ST7: variants seen among roughly 807,000 people sequenced by gnomAD.
ST7 encodes the protein suppressor of tumorigenicity 7 protein.
Under a neutral mutation model 78.7 loss-of-function variants are expected in ST7, and 28 were observed. That is an observed-to-expected ratio of 0.36 (90% CI 0.26 to 0.49). The LOEUF is 0.49. ST7 is among the 20% of genes least tolerant of loss of function. ST7 has a pLI of 0.99. For synonymous variants in ST7, 247 were observed against 249.6 expected, an observed-to-expected ratio of 0.99 and a Z score of 0.10; for missense variants, 418 against 696.0, an observed-to-expected ratio of 0.60 and a Z score of 4.49.
At chr7:117,048,198 CA>C (rs965419742) in intron 1 of ST7, among the ~76,000 whole-genome samples, 5 of 151,880 alleles carry the variant, frequency 3.3e-5, no homozygotes, top group Admixed American at 3.3e-4. Flanking sequence ...CTTGCTGTCT[CA>C]GGGGTGGCAG....
chr7:117,122,554 C>T (rs1238516824), intron 3 of ST7, among the ~76,000 whole-genome samples: 1 of 152,174 alleles, frequency 6.6e-6, no homozygotes, highest in East Asian at 1.9e-4. Flanking sequence ...CTAGTATTTA[C>T]TGAGTGCCTA....
intron 1 of ST7, among the ~76,000 whole-genome samples, chr7:116,968,903 A>G (rs1209177809): frequency 6.6e-6 from 1 of 152,190 alleles, no homozygotes; most frequent in Non-Finnish European, 1.5e-5. Flanking sequence ...GGGAAAAGCT[A>G]GAATCTGTTG....
chr7:117,000,884 A>T (rs1429251438), intron 1 of ST7, among the ~76,000 whole-genome samples: 1 of 152,220 alleles, frequency 6.6e-6, no homozygotes, highest in African/African-American at 2.4e-5. Context: ...AGTTATTAAA[A>T]TTTAGAAATT....
chr7:117,001,896 C>T (rs1321484740), intron 1 of ST7, among the ~76,000 whole-genome samples: 1 of 152,110 alleles, frequency 6.6e-6, no homozygotes, highest in Non-Finnish European at 1.5e-5. Flanking sequence ...AGTACATGGA[C>T]AAGACATTAT....
intron 14 of ST7, 113 bp from the exon 15 acceptor site, chr7:117,221,810 C>T (rs1793113862): frequency 1.6e-6 from 2 of 1,240,958 alleles, no homozygotes; most frequent in Admixed American, 2.8e-5. Flanking sequence ...TTTTTCATTT[C>T]CCATAGGCTT....
At chr7:117,126,555 A>G (rs1803865831) in intron 3 of ST7, among the ~76,000 whole-genome samples, 1 of 151,718 alleles carries the variant, frequency 6.6e-6, no homozygotes, top group African/African-American at 2.4e-5. Context: ...TTTTTTTGTA[A>G]CCCATGGCCT....
At chr7:116,955,611 A>G (rs1195760856) in intron 1 of ST7, among the ~76,000 whole-genome samples, 1 of 152,150 alleles carries the variant, frequency 6.6e-6, no homozygotes, top group South Asian at 2.1e-4. Flanking sequence ...GTTTCTCCTT[A>G]TTACACACTT....
intron 1 of ST7, among the ~76,000 whole-genome samples, chr7:117,050,389 C>T (rs1042980507): frequency 6.6e-6 from 1 of 152,088 alleles, no homozygotes; most frequent in Non-Finnish European, 1.5e-5. Context: ...GAAGTGGCTA[C>T]GAAATTATTA....
intron 1 of ST7, chr7:117,020,617 A>G (rs1487578462): frequency 2.6e-6 from 4 of 1,550,510 alleles, no homozygotes; most frequent in South Asian, 1.2e-5. Context: ...CATGTTTGGC[A>G]CTGAATCTTC....
chr7:117,013,493 G>A, intron 1 of ST7, among the ~76,000 whole-genome samples: 1 of 152,306 alleles, frequency 6.6e-6, no homozygotes, highest in Non-Finnish European at 1.5e-5. Context: ...GCACTGATTA[G>A]ACGACTGAGT....
chr7:117,073,843 A>G (rs544532343), intron 1 of ST7: 2 of 152,192 alleles, frequency 1.3e-5, no homozygotes, highest in Non-Finnish European at 2.9e-5. Context: ...AGGAATCAGG[A>G]ACTAACTTAG....
intron 10 of ST7, 33 bp downstream of exon 10, chr7:117,171,009 A>G (rs1240326796): frequency 7.0e-7 from 1 of 1,419,904 alleles, no homozygotes; most frequent in Admixed American, 1.8e-5. Context: ...TTACTTGACT[A>G]TTCCTCTTTT....
chr7:117,082,785 G>A (rs1043687586), intron 1 of ST7, among the ~76,000 whole-genome samples: 1 of 152,192 alleles, frequency 6.6e-6, no homozygotes, highest in African/African-American at 2.4e-5. Flanking sequence ...TAACTCAGCT[G>A]TTGTAGCATG....
chr7:117,075,425 T>A (rs1799269498), intron 1 of ST7, among the ~76,000 whole-genome samples: 2 of 152,206 alleles, frequency 1.3e-5, no homozygotes, highest in Non-Finnish European at 1.5e-5. Flanking sequence ...GATAATGTAG[T>A]GGCTACACGT....
At position 117,060,910 on chromosome 7, in the gene ST7, G is replaced by A. The variant is rs534390329; in HGVS notation, c.152-38852G>A. On this transcript the variant is annotated intron_variant, in intron 1 of 15. Transcript: ENST00000323984. ...AATCCCAGCTATTCAGGTTGTTGAG[G>A]CAGGACAATCGCTTGAACCTGGGAG... Among the ~76,000 whole-genome samples the A allele has an allele frequency of 5.9e-5, 9 of 152,256 alleles. No individual in the cohort carries two copies. The East Asian group carries it at 1.7e-3, about 29-fold the overall frequency.
rs1448786962 is a variant in ST7 at position 117,097,903 on chromosome 7, TATA to T, written c.152-1858_152-1856del. 1.5e-4 allele frequency among the ~76,000 whole-genome samples: 6 copies of T among 40,126 alleles called. No homozygotes were observed. The South Asian group carries it at 2.6e-3, about 17-fold the overall frequency. The allele number at this position is 40,126 out of a possible 152,430, so 26.3% of individuals were successfully genotyped here. On this transcript the variant is annotated intron_variant, in intron 1 of 15. Transcript: ENST00000323984. ...CACTATATATATATATATATATATA[TATA>T]TATTTTTTTTTTTTTTTTTTTTGAT...
chr7:116,971,456 A>G (rs1793414785), intron 1 of ST7, among the ~76,000 whole-genome samples: 2 of 152,180 alleles, frequency 1.3e-5, no homozygotes, highest in African/African-American at 2.4e-5. Flanking sequence ...GGGAGGGGGT[A>G]GAGATGGGAC....
intron 1 of ST7, chr7:117,072,962 G>C (rs1006733707): frequency 6.6e-6 from 1 of 152,294 alleles, no homozygotes; most frequent in Non-Finnish European, 1.5e-5. Context: ...GAGGGAGTCT[G>C]CAACTAAGAA....
intron 10 of ST7, among the ~76,000 whole-genome samples, chr7:117,181,086 G>A (rs965485267): frequency 1.3e-5 from 2 of 152,080 alleles, no homozygotes; most frequent in Non-Finnish European, 2.9e-5. Context: ...CTGGAAAATG[G>A]TTCGTGAAGG....
Sources: allele counts gnomAD v4.1 joint callset (sites outside exome capture counted in the v4.1 genomes callset), GRCh38; gene constraint gnomAD v4.1.1; transcripts MANE v1.5; gene names NCBI Gene and HGNC (gene_info 2026-07-23, HGNC 2026-07-21).